The following SUPT5H variants were observed in gnomAD, a reference collection of about 807,000 sequenced individuals.
The protein encoded by SUPT5H is transcription elongation factor SPT5.
A neutral mutation model predicts 142.5 loss-of-function variants in SUPT5H; 24 were observed. The ratio of observed to expected loss-of-function variants is 0.17; its 90% CI spans 0.12 to 0.24. The LOEUF (loss-of-function observed/expected upper bound fraction) is 0.24. Among genes scored for constraint, SUPT5H ranks in the 10% least tolerant of loss-of-function variants. The pLI is 1.00. For synonymous variants in SUPT5H, 546 were observed against 553.0 expected (o/e 0.99, Z 0.18); for missense variants, 893 against 1,471.8 (o/e 0.61, Z 6.43).
chr19:39,469,998 G>A lies in SUPT5H; in HGVS notation c.1375-121G>A. The A allele has an allele frequency of 7.6e-7, 1 of 1,308,718 alleles. No homozygotes were observed. Among genetic ancestry groups the A allele is most frequent in the Non-Finnish European group, 1.1e-6 (1 of 942,476 alleles). The allele number at this position is 1,308,718 out of a possible 1,614,324, so 81.1% of individuals were successfully genotyped here. On this transcript the variant is annotated intron_variant, in intron 16 of 29. Transcript: ENST00000432763. This position sits in a 1 kb window ranked among gnomAD's most constrained non-coding sequence, Gnocchi z 5.1. ...CAGGTGGACTAAGGTAGTCTGGGGT[G>A]GGTGGTAAGAGCCTGAAGTGGGGTT...
Position 39,453,385 on chromosome 19 carries a change from C to T in SUPT5H, c.105C>T (p.Gly35=). 1.2e-6 allele frequency: 2 copies of T among 1,601,582 alleles called. No individual in the cohort carries two copies. The highest frequency in any genetic ancestry group is 1.7e-6 in the Non-Finnish European group (2 of 1,173,368). ...ACGAAGAGCGGCGGAGTGCAGCGGG[C>T]AGTGAGAAAGAAGAAGAGCCTGAGG... ...EVDEERRSAA[G]SEKEEEPEDE... is the part of the protein sequence containing the mutation. Residue 35 remains glycine, a synonymous_variant, in exon 3 of 30, where the codon GGC becomes GGT. Transcript: ENST00000432763.
chr19:39,454,275 G>A (rs1319972574), intron 3 of SUPT5H, among the ~76,000 whole-genome samples: 1 of 151,886 alleles, frequency 6.6e-6, no homozygotes, highest in Non-Finnish European at 1.5e-5. Flanking sequence ...GACCACCCCA[G>A]ATGAAAAATC....
In SUPT5H at chr19:39,449,088, TCAAAAAA is replaced by T. The variant is rs368086027; in HGVS notation, c.75+3142_75+3148del. Among the ~76,000 whole-genome samples, 61 of 150,320 alleles carry T rather than the reference TCAAAAAA, an allele frequency of 4.1e-4. 2 individuals are homozygous for T. The highest frequency in any genetic ancestry group is 5.6e-4 in the African/African-American group (23 of 41,102). Reference sequence around the variant, plus strand: ...CTGGGAGACAGAGCGAGACTGCATCTCAAAAAACAAAAAACAAAAAACAAATGTTCCT... The same window carrying T: ...CTGGGAGACAGAGCGAGACTGCATCTCAAAAAACAAAAAACAAATGTTCCT... On this transcript the variant is annotated intron_variant, in intron 2 of 29. Transcript: ENST00000432763.
Position 39,466,420 on chromosome 19 carries a change from T to A in SUPT5H, c.877-60T>A. On this transcript the variant is annotated intron_variant, in intron 11 of 29. Coordinates refer to ENST00000432763, the MANE Select transcript of SUPT5H (RefSeq NM_001111020.3). The surrounding 1 kb of genome is among the most constrained non-coding windows in gnomAD (Gnocchi z 4.3). ...CCTTCCTAGCATCTCCTGACCCTTC[T>A]TGTGTCTGGGGTCAGGGAGGAGAGT... 2 of 1,482,414 alleles carry A rather than the reference T, an allele frequency of 1.3e-6. No individual in the cohort carries two copies. Among genetic ancestry groups the A allele is most frequent in the Non-Finnish European group, 9.4e-7 (1 of 1,062,110 alleles). The allele number at this position is 1,482,414 out of a possible 1,614,324, so 91.8% of individuals were successfully genotyped here.
Position 39,458,013 on chromosome 19 carries a change from G to A in SUPT5H, c.307+273G>A, listed in dbSNP as rs2079112877. The stretch of plus-strand genomic sequence containing the variant: ...TCCCTTCTGGGGTTGTAGGGTGGGC[G>A]AGCTCTGTCCCAAGATACCCCCCAC... On this transcript the variant is annotated intron_variant, in intron 4 of 29. Transcript: ENST00000432763. The surrounding 1 kb of genome is among the most constrained non-coding windows in gnomAD (Gnocchi z 4.2). The A allele has an allele frequency of 9.4e-6, 7 of 744,280 alleles. No homozygotes were observed. The highest frequency in any genetic ancestry group is 1.6e-5 in the Non-Finnish European group (7 of 450,602). 46.1% of individuals were successfully genotyped at this position (744,280 alleles called of 1,614,324 possible).
chr19:39,476,097 T>C lies in SUPT5H; in HGVS notation c.3041T>C (p.Val1014Ala). 6.2e-7 allele frequency: 1 copy of C among 1,614,058 alleles called. No individual in the cohort carries two copies. Among genetic ancestry groups the C allele is most frequent in the Non-Finnish European group, 8.5e-7 (1 of 1,180,006 alleles). Residue 1014 changes from valine (V) to alanine (A), a missense_variant, in exon 29 of 30, where the codon GTG becomes GCG. Transcript: ENST00000432763. ...ATCCTCCAGGGGGGCATGTGCTCTGTGTACCTGAAGGACAGTGAGAAGGTT... is the reference window on the plus strand; with the variant it reads ...ATCCTCCAGGGGGGCATGTGCTCTGCGTACCTGAAGGACAGTGAGAAGGTT... ...IRSVTGGMCS[V>A]YLKDSEKVVS...
At chr19:39,468,713 C>T (rs1048611607) in intron 13 of SUPT5H, 43 bp from the exon 14 acceptor site, 13 of 1,581,002 alleles carry the variant, frequency 8.2e-6, no homozygotes, top group Non-Finnish European at 1.1e-5. Flanking sequence ...AGATTTTCTT[C>T]TTGACTCTCC....
At position 39,473,329 on chromosome 19, in the gene SUPT5H, T is replaced by C; in HGVS notation, c.2385T>C (p.Asp795=). ...ACGGCTCACAGACACCCCTCCAGGA[T>C]GGTGAGTGCCCGCAGGGGACAGGGA... The part of the protein sequence containing the change: ...PMYGSQTPLQ[D]GSRTPHYGSQ... The change falls in exon 24 of 30, where the codon GAT becomes GAC. Residue 795 remains aspartate (D), a splice_region_variant and synonymous_variant. Coordinates refer to ENST00000432763, the MANE Select transcript of SUPT5H (RefSeq NM_001111020.3). This position sits in a 1 kb window ranked among gnomAD's most constrained non-coding sequence, Gnocchi z 5.8. 1 of 1,613,624 alleles carries C rather than the reference T, an allele frequency of 6.2e-7. No homozygotes were observed. The highest frequency in any genetic ancestry group is 8.5e-7 in the Non-Finnish European group (1 of 1,179,884).
chr19:39,462,102 G>T (rs988899919), intron 10 of SUPT5H, among the ~76,000 whole-genome samples: 5 of 151,952 alleles, frequency 3.3e-5, no homozygotes, highest in Non-Finnish European at 7.4e-5. Context: ...TAGAGACGGG[G>T]TTTCACCATG....
chr19:39,466,874 T>C lies in SUPT5H; in HGVS notation c.1037+129T>C, dbSNP rs1419009428. 6 of 839,570 alleles carry C rather than the reference T, an allele frequency of 7.1e-6. No individual in the cohort carries two copies. The highest frequency in any genetic ancestry group is 1.2e-5 in the Non-Finnish European group (6 of 503,992). 52.0% of individuals were successfully genotyped at this position (839,570 alleles called of 1,614,324 possible). A position where few individuals can be genotyped will look rare whatever the true frequency, so the allele number is the denominator to read the frequency against. ...CTGTGAATTGGTTAGCTTGGCAGTA[T>C]AGCCTCAGGCAAGTCACTTCACATC... On this transcript the variant is annotated intron_variant, in intron 13 of 29. Transcript: ENST00000432763. This position sits in a 1 kb window ranked among gnomAD's most constrained non-coding sequence, Gnocchi z 4.3.
chr19:39,456,989 C>G (rs2146089814), intron 3 of SUPT5H, among the ~76,000 whole-genome samples: 1 of 152,334 alleles, frequency 6.6e-6, no homozygotes, highest in South Asian at 2.1e-4. Flanking sequence ...CTTACATCCT[C>G]TATGGACATT....
At chr19:39,445,990 G>C in intron 2 of SUPT5H, 25 bp downstream of exon 2, 2 of 1,605,728 alleles carry the variant, frequency 1.2e-6, no homozygotes, top group Non-Finnish European at 8.5e-7. Context: ...CGCTGGGGGA[G>C]ACATTGCGTC....
rs530828946 is a variant in SUPT5H, at chr19:39,473,217, C to A, written c.2273C>A (p.Pro758Gln). 1.9e-6 allele frequency: 3 copies of A among 1,612,736 alleles called. No homozygotes were observed. The highest frequency in any genetic ancestry group is 4.5e-5 in the East Asian group (2 of 44,868). ...TGCGTCCCCAGGGGCTCACGGCGCC[C>A]GGGCGGCATGACCTCGACCTATGGG... ...QRLTTVGSRR[P>Q]GGMTSTYGRT... The change falls in exon 24 of 30, where the codon CCG (proline) becomes CAG (glutamine). Residue 758 changes from proline to glutamine, a missense_variant. Around this residue, in one of 6 missense-constraint regions of SUPT5H, gnomAD observed 336 missense variants for 546.5 expected, o/e 0.61. Transcript: ENST00000432763. This position sits in a 1 kb window ranked among gnomAD's most constrained non-coding sequence, Gnocchi z 5.8.
chr19:39,463,660 A>G (rs1286649943), intron 10 of SUPT5H, among the ~76,000 whole-genome samples: 2 of 152,270 alleles, frequency 1.3e-5, no homozygotes, highest in African/African-American at 2.4e-5. Flanking sequence ...ATAGCTGGCT[A>G]TTAGGTTTAG....
rs1414238102 is a variant in SUPT5H, at chr19:39,476,098, G to T, written c.3042G>T (p.Val1014=). ...IRSVTGGMCS[V]YLKDSEKVVS... is the part of the protein sequence containing the mutation. Reference sequence around the variant, plus strand: ...TCCTCCAGGGGGGCATGTGCTCTGTGTACCTGAAGGACAGTGAGAAGGTTG... The same window carrying T: ...TCCTCCAGGGGGGCATGTGCTCTGTTTACCTGAAGGACAGTGAGAAGGTTG... Residue 1014 remains valine, a synonymous_variant, in exon 29 of 30, where the codon GTG becomes GTT. Transcript: ENST00000432763. The T allele has an allele frequency of 6.2e-7, 1 of 1,614,078 alleles. No individual in the cohort carries two copies. The highest frequency in any genetic ancestry group is 8.5e-7 in the Non-Finnish European group (1 of 1,180,008).
chr19:39,474,683 G>A lies in SUPT5H; in HGVS notation c.2989G>A (p.Val997Met), dbSNP rs757926191. 9 of 1,613,876 alleles carry A rather than the reference G, an allele frequency of 5.6e-6. No individual in the cohort carries two copies. The East Asian group carries it at 1.8e-4, about 32-fold the overall frequency. The change falls in exon 28 of 30, where the codon GTG becomes ATG. Residue 997 changes from valine to methionine, a missense_variant. This residue lies in a region of SUPT5H where 336 missense variants were observed against 546.5 expected (regional missense o/e 0.61). Transcript: ENST00000432763. This position sits in a 1 kb window ranked among gnomAD's most constrained non-coding sequence, Gnocchi z 6.5. ...GCGGGACACCTACCTGGATACACAGGTGGTGGGACAGACAGGTGTCATCCG... is the reference window on the plus strand; with the variant it reads ...GCGGGACACCTACCTGGATACACAGATGGTGGGACAGACAGGTGTCATCCG... The part of the protein sequence containing the change: ...KVRDTYLDTQ[V>M]VGQTGVIRSV...
chr19:39,474,598 A>C lies in SUPT5H; in HGVS notation c.2904A>C (p.Pro968=), dbSNP rs761878726. 6.2e-7 allele frequency: 1 copy of C among 1,614,246 alleles called. No homozygotes were observed. ...CTGGTGGCTACAACCCACACACGCC[A>C]GGCTCAGGCATCGAGCAGAACTCCA... is the stretch of plus-strand genomic sequence containing the variant. The part of the protein sequence containing the change: ...PSPGGYNPHT[P]GSGIEQNSSD... Residue 968 remains proline, a synonymous_variant, in exon 28 of 30, where the codon CCA becomes CCC. Coordinates refer to ENST00000432763, the MANE Select transcript of SUPT5H (RefSeq NM_001111020.3). This position sits in a 1 kb window ranked among gnomAD's most constrained non-coding sequence, Gnocchi z 6.5.
At chr19:39,449,987 G>T (rs538516937) in intron 2 of SUPT5H, among the ~76,000 whole-genome samples, 2 of 151,014 alleles carry the variant, frequency 1.3e-5, no homozygotes, top group Admixed American at 1.3e-4. Context: ...ACCCATGCTG[G>T]GGTGCAGTGG....
chr19:39,454,007 AAG>A (rs1241860637), intron 3 of SUPT5H, among the ~76,000 whole-genome samples: 49 of 152,226 alleles, frequency 3.2e-4, no homozygotes, highest in African/African-American at 1.2e-3. Context: ...AATATTTAAA[AAG>A]AACATTTTGG....
Sources: gnomAD v4.1 joint callset for allele counts (sites outside exome capture counted in the v4.1 genomes callset) on GRCh38, gnomAD v4.1.1 for gene constraint, gnomAD v4.1.1 regional missense constraint, Gnocchi (gnomAD v3.1) non-coding constraint, MANE v1.5 for transcripts, NCBI Gene and HGNC (gene_info 2026-07-23, HGNC 2026-07-21) for gene names.